CHD6: variants seen among roughly 807,000 people sequenced by gnomAD.
CHD6 encodes the protein chromodomain helicase DNA binding protein 6.
Under a neutral mutation model 276.9 loss-of-function variants are expected in CHD6, and 50 were observed. The ratio of observed to expected loss-of-function variants is 0.18; its 90% CI spans 0.14 to 0.23. The LOEUF is 0.23. Among genes scored for constraint, CHD6 ranks in the 10% least tolerant of loss-of-function variants. The pLI is 1.00. For missense variants in CHD6, 2,564 were observed against 3,365.8 expected (o/e 0.76, Z 5.89); for synonymous variants, 1,173 against 1,229.3 (o/e 0.95, Z 0.96).
At chr20:41,612,988 T>C (rs920590987) in intron 1 of CHD6, among the ~76,000 whole-genome samples, 3 of 152,304 alleles carry the variant, frequency 2.0e-5, no homozygotes, top group South Asian at 2.1e-4. Context: ...TACTCTAATA[T>C]TGTTTTGGCA....
intron 1 of CHD6, among the ~76,000 whole-genome samples, chr20:41,580,650 A>G (rs2045527274): frequency 6.6e-6 from 1 of 151,214 alleles, no homozygotes; most frequent in Admixed American, 6.6e-5. Flanking sequence ...AGTCTCAAAA[A>G]AAAAAAAAAA....
rs529768475 is a variant in CHD6 at position 41,556,375 on chromosome 20, G to C, written c.-23-5015C>G. Among the ~76,000 whole-genome samples, 360 of 137,854 alleles carry C rather than the reference G, an allele frequency of 2.6e-3. 3 individuals are homozygous for C. The highest frequency in any genetic ancestry group is 4.2e-3 in the Non-Finnish European group (275 of 65,896). The allele number at this position is 137,854 out of a possible 152,430, so 90.4% of individuals were successfully genotyped here. ...GTCTCCGCTAATGGCACTTTTAACT[G>C]TTTCAAGCTTTCTGAAGAGCACTCA... On this transcript the variant is annotated intron_variant, in intron 1 of 36. Coordinates refer to ENST00000373233, the MANE Select transcript of CHD6 (RefSeq NM_032221.5).
At chr20:41,469,136 C>T (rs2042996338) in intron 17 of CHD6, among the ~76,000 whole-genome samples, 1 of 152,190 alleles carries the variant, frequency 6.6e-6, no homozygotes, top group South Asian at 2.1e-4. Flanking sequence ...TGGAAAGGGC[C>T]TGTCTCCTCA....
At chr20:41,436,109 A>G (rs956996687) in intron 27 of CHD6, among the ~76,000 whole-genome samples, 1 of 152,170 alleles carries the variant, frequency 6.6e-6, no homozygotes, top group African/African-American at 2.4e-5. Context: ...AATACTTGCA[A>G]ACTACGTATC....
In CHD6 at chr20:41,583,680, C is replaced by T. The variant is rs150624226; in HGVS notation, c.-23-32320G>A. The stretch of plus-strand genomic sequence containing the variant: ...GAAAGATAACTGCCTAAAGCAAAAA[C>T]AGTAGCAGTGTATTGTAGAGATTAT... On this transcript the variant is annotated intron_variant, in intron 1 of 36. Transcript: ENST00000373233. Among the ~76,000 whole-genome samples the T allele has an allele frequency of 1.2e-3, 184 of 152,046 alleles. 2 individuals carry two copies. Among genetic ancestry groups the T allele is most frequent in the Admixed American group, 3.3e-3 (50 of 15,274 alleles).
chr20:41,576,404 G>T (rs978278642), intron 1 of CHD6, among the ~76,000 whole-genome samples: 4 of 152,222 alleles, frequency 2.6e-5, no homozygotes, highest in African/African-American at 7.2e-5. Flanking sequence ...TTCAAACACA[G>T]GCCAGGCGTG....
intron 10 of CHD6, among the ~76,000 whole-genome samples, chr20:41,493,045 A>G (rs981229027): frequency 3.9e-5 from 6 of 152,218 alleles, no homozygotes; most frequent in African/African-American, 1.2e-4. Context: ...CAGAAAAACA[A>G]ATAAATTCAA....
intron 1 of CHD6, among the ~76,000 whole-genome samples, chr20:41,583,820 G>A (rs990445302): frequency 1.3e-5 from 2 of 151,996 alleles, no homozygotes; most frequent in Admixed American, 1.3e-4. Flanking sequence ...AATATGGGAA[G>A]GTAGGTTGTG....
At chr20:41,538,127 G>A (rs941420751) in intron 2 of CHD6, among the ~76,000 whole-genome samples, 1 of 152,198 alleles carries the variant, frequency 6.6e-6, no homozygotes, top group African/African-American at 2.4e-5. Context: ...AAGGTGGGCG[G>A]ATCACATGAG....
chr20:41,579,843 T>G (rs1322630745), intron 1 of CHD6, among the ~76,000 whole-genome samples: 2 of 152,222 alleles, frequency 1.3e-5, no homozygotes, highest in Non-Finnish European at 2.9e-5. Flanking sequence ...CTCTTTCTAC[T>G]TTTCAAGCTT....
chr20:41,432,705 T>C (rs973725137), intron 27 of CHD6, among the ~76,000 whole-genome samples: 6 of 151,652 alleles, frequency 4.0e-5, no homozygotes, highest in African/African-American at 1.5e-4. Flanking sequence ...AAAGATCACA[T>C]ACCAAGAACC....
chr20:41,419,589 A>AAAAAAAAAAAAAAAC (rs2047119678), intron 31 of CHD6, among the ~76,000 whole-genome samples: 1 of 139,170 alleles, frequency 7.2e-6, no homozygotes, highest in South Asian at 2.3e-4. Flanking sequence ...AAAAAAAAAA[A>AAAAAAAAAAAAAAAC]AAGGCTAGAT....
chr20:41,560,294 CT>C (rs1176802328), intron 1 of CHD6, among the ~76,000 whole-genome samples: 2 of 152,162 alleles, frequency 1.3e-5, no homozygotes, highest in African/African-American at 4.8e-5. Context: ...TGGTTCTTGT[CT>C]ACTGCTCTGA....
At chr20:41,554,028 T>C (rs1179279281) in intron 1 of CHD6, among the ~76,000 whole-genome samples, 3 of 152,138 alleles carry the variant, frequency 2.0e-5, no homozygotes, top group Admixed American at 1.3e-4. Flanking sequence ...CTTCCACCTA[T>C]GGTCCCAGCT....
intron 1 of CHD6, among the ~76,000 whole-genome samples, chr20:41,557,169 A>G (rs2045248938): frequency 6.6e-6 from 1 of 152,238 alleles, no homozygotes; most frequent in Non-Finnish European, 1.5e-5. Flanking sequence ...CAAGTGTATA[A>G]CTTCTGAACT....
chr20:41,599,038 T>C (rs1322881468), intron 1 of CHD6, among the ~76,000 whole-genome samples: 2 of 152,194 alleles, frequency 1.3e-5, no homozygotes, highest in African/African-American at 2.4e-5. Flanking sequence ...CAAAATCAAA[T>C]AGCTACAGGA....
intron 25 of CHD6, among the ~76,000 whole-genome samples, chr20:41,444,121 G>A (rs2047989397): frequency 6.6e-6 from 1 of 152,148 alleles, no homozygotes; most frequent in South Asian, 2.1e-4. Flanking sequence ...CAGATGCTCT[G>A]GAATCTGGCT....
intron 30 of CHD6, 117 bp from the exon 31 acceptor site, chr20:41,422,196 G>C (rs2047217444): frequency 9.5e-7 from 1 of 1,056,594 alleles, no homozygotes; most frequent in Admixed American, 2.9e-5. Context: ...CAGCATGGCA[G>C]TTTCAGGTGT....
intron 1 of CHD6, among the ~76,000 whole-genome samples, chr20:41,581,258 G>A (rs543430787): frequency 2.1e-4 from 32 of 152,148 alleles, no homozygotes; most frequent in Non-Finnish European, 3.2e-4. Flanking sequence ...AGCACAAGAC[G>A]GTCAAGTAAC....
Sources: allele counts gnomAD v4.1 joint callset (sites outside exome capture counted in the v4.1 genomes callset), GRCh38; gene constraint gnomAD v4.1.1; transcripts MANE v1.5; gene names NCBI Gene and HGNC (gene_info 2026-07-23, HGNC 2026-07-21).